Variants in HFM1 observed in about 807,000 individuals in gnomAD.
HFM1 encodes helicase for meiosis 1.
Under a neutral mutation model 192.1 loss-of-function variants are expected in HFM1, and 169 were observed. The observed-to-expected ratio is 0.88, with a 90% CI of 0.78 to 1.00. The LOEUF (loss-of-function observed/expected upper bound fraction) is 1.00, where lower values mean the gene tolerates loss of function less well. HFM1 is among the 50% of genes least tolerant of loss of function. The pLI is 0.00. For missense variants in HFM1, 1,661 were observed against 1,668.0 expected (o/e 1.00, Z 0.07); for synonymous variants, 525 against 537.8 (o/e 0.98, Z 0.33).
intron 8 of HFM1, 105 bp from the exon 9 acceptor site, chr1:91,379,319 T>C (rs1158541857): frequency 1.5e-5 from 12 of 788,826 alleles, no homozygotes; most frequent in Non-Finnish European, 2.5e-5. Context: ...ATCTACATAC[T>C]CCTAATATTG....
At position 91,394,105 on chromosome 1, in the gene HFM1, A is replaced by ATAATAATTACCTTTTCCGGAATT; in HGVS notation, c.481_482insAATTCCGGAAAAGGTAATTATTA (p.Val161GlufsTer6). On this transcript the variant is annotated stop_gained and frameshift_variant, in exon 4 of 39. Transcript: ENST00000370425. LOFTEE classifies it high-confidence loss of function. ...TTATAATAATTACCTTTTCCGGAAT[A>ATAATAATTACCTTTTCCGGAATT]CTGATGTGCTCTCTCCTTTATCTTC... The ATAATAATTACCTTTTCCGGAATT allele has an allele frequency of 6.5e-7, 1 of 1,535,738 alleles. No individual in the cohort carries two copies. Among genetic ancestry groups the ATAATAATTACCTTTTCCGGAATT allele is most frequent in the Non-Finnish European group, 8.9e-7 (1 of 1,127,414 alleles).
intron 11 of HFM1, among the ~76,000 whole-genome samples, chr1:91,376,280 G>C: frequency 6.6e-6 from 1 of 151,882 alleles, no homozygotes; most frequent in East Asian, 1.9e-4. Flanking sequence ...TCTTTACATA[G>C]CCCAGTTAAT....
intron 20 of HFM1, among the ~76,000 whole-genome samples, chr1:91,331,012 G>A (rs1428363327): frequency 1.3e-5 from 2 of 152,140 alleles, no homozygotes; most frequent in African/African-American, 4.8e-5. Context: ...ATGACCCACA[G>A]CTAGTATCAT....
intron 20 of HFM1, among the ~76,000 whole-genome samples, chr1:91,325,859 A>G (rs1652817158): frequency 6.6e-6 from 1 of 152,198 alleles, no homozygotes; most frequent in African/African-American, 2.4e-5. Flanking sequence ...AATTCAAGAT[A>G]ACACAGAGAA....
chr1:91,351,671 T>C (rs777854913), intron 16 of HFM1, 28 bp from the exon 17 acceptor site: 7 of 1,239,330 alleles, frequency 5.6e-6, no homozygotes, highest in Middle Eastern at 1.9e-4. Flanking sequence ...AGAAATTTAG[T>C]GAAGAAGAGC....
intron 11 of HFM1, 125 bp downstream of exon 11, chr1:91,377,900 C>G (rs1661087393): frequency 3.4e-6 from 3 of 874,980 alleles, no homozygotes; most frequent in Non-Finnish European, 5.5e-6. Flanking sequence ...CTAGCCACAA[C>G]TTTCTACAAC....
intron 30 of HFM1, among the ~76,000 whole-genome samples, chr1:91,282,779 G>A (rs983314024): frequency 5.9e-5 from 9 of 152,136 alleles, no homozygotes; most frequent in African/African-American, 2.2e-4. Context: ...AGACTTGGAA[G>A]AAAAGCTTTG....
chr1:91,390,614 A>G (rs995368210), intron 4 of HFM1, among the ~76,000 whole-genome samples: 1 of 152,178 alleles, frequency 6.6e-6, no homozygotes, highest in African/African-American at 2.4e-5. Flanking sequence ...TCAAAATAAT[A>G]AGAGCTATTT....
intron 34 of HFM1, among the ~76,000 whole-genome samples, chr1:91,270,350 G>C (rs969702793): frequency 2.6e-5 from 4 of 152,062 alleles, no homozygotes; most frequent in African/African-American, 9.7e-5. Flanking sequence ...AAAAGAAAAG[G>C]TGTAGAGTGA....
At chr1:91,359,810 G>C (rs1658263040) in intron 13 of HFM1, among the ~76,000 whole-genome samples, 1 of 152,066 alleles carries the variant, frequency 6.6e-6, no homozygotes. Flanking sequence ...AACCTGAAAA[G>C]ACATAATCAT....
intron 30 of HFM1, among the ~76,000 whole-genome samples, chr1:91,280,489 T>A (rs1667363714): frequency 1.3e-5 from 2 of 152,222 alleles, no homozygotes; most frequent in Admixed American, 1.3e-4. Flanking sequence ...AAGACTCAAC[T>A]GTTGGCAGAA....
Position 91,290,964 on chromosome 1 carries a change from C to G in HFM1, c.3392-13902G>C, listed in dbSNP as rs138740300. Among the ~76,000 whole-genome samples the G allele has an allele frequency of 7.1e-3, 1,078 of 152,130 alleles. 15 individuals are homozygous for G. Among genetic ancestry groups the G allele is most frequent in the African/African-American group, 0.024 (1,005 of 41,490 alleles). ...TCCTAAATGACTACTGGGTACATAA[C>G]GAAATGAAGGCAGAAATAAAGATGT... On this transcript the variant is annotated intron_variant, in intron 30 of 38. Transcript: ENST00000370425.
rs747963146 is a variant in HFM1 at position 91,398,680 on chromosome 1, T to A, written c.72-2275A>T. ...TATAACAAATAGATAATGCATTGTC[T>A]CTCCTCATCTTTTTTTTTTTTTCCC... On this transcript the variant is annotated intron_variant, in intron 2 of 38. Transcript: ENST00000370425. 1.7e-3 allele frequency among the ~76,000 whole-genome samples: 258 copies of A among 151,020 alleles called. 2 individuals are homozygous for A. Among genetic ancestry groups the A allele is most frequent in the Middle Eastern group, 0.014 (4 of 292 alleles).
intron 13 of HFM1, among the ~76,000 whole-genome samples, chr1:91,361,299 C>T (rs1658472650): frequency 6.6e-6 from 1 of 150,836 alleles, no homozygotes; most frequent in Admixed American, 6.6e-5. Context: ...AATATATAGA[C>T]TGCTAGCTAG....
upstream of HFM1, among the ~76,000 whole-genome samples, chr1:91,406,798 A>C (rs1557550306): frequency 6.6e-6 from 1 of 152,216 alleles, no homozygotes. Flanking sequence ...AAAATGACTC[A>C]GACCCTCTGG....
At chr1:91,367,249 G>C (rs551999857) in intron 13 of HFM1, among the ~76,000 whole-genome samples, 1 of 152,282 alleles carries the variant, frequency 6.6e-6, no homozygotes, top group East Asian at 1.9e-4. Flanking sequence ...TGACACATTG[G>C]AAGACAGTAG....
chr1:91,277,068 T>C lies in HFM1; in HGVS notation c.3392-6A>G, dbSNP rs776513492. On this transcript the variant is annotated splice_polypyrimidine_tract_variant and splice_region_variant and intron_variant, in intron 30 of 38. Coordinates refer to ENST00000370425, the MANE Select transcript of HFM1 (RefSeq NM_001017975.6). Reference sequence around the variant, plus strand: ...TTTTTTGCTGGCAGTCGTTCCTAAATTAATATAAGAAAAACAAATCCATTT... The same window carrying C: ...TTTTTTGCTGGCAGTCGTTCCTAAACTAATATAAGAAAAACAAATCCATTT... 6.5e-7 allele frequency: 1 copy of C among 1,539,146 alleles called. No homozygotes were observed. Among genetic ancestry groups the C allele is most frequent in the Non-Finnish European group, 8.9e-7 (1 of 1,124,852 alleles).
chr1:91,376,582 A>C (rs1660935856), intron 11 of HFM1, among the ~76,000 whole-genome samples: 1 of 152,054 alleles, frequency 6.6e-6, no homozygotes, highest in South Asian at 2.1e-4. Flanking sequence ...GTTAAGAAAA[A>C]TTTAGTATTC....
intron 30 of HFM1, among the ~76,000 whole-genome samples, chr1:91,293,683 G>A (rs372517927): frequency 1.6e-4 from 24 of 151,882 alleles, no homozygotes; most frequent in Admixed American, 8.5e-4. Context: ...ATTTGACCCA[G>A]CCATCCCCTT....
Sources: gnomAD v4.1 joint callset for allele counts (sites outside exome capture counted in the v4.1 genomes callset) on GRCh38, gnomAD v4.1.1 for gene constraint, MANE v1.5 for transcripts, NCBI Gene and HGNC (gene_info 2026-07-23, HGNC 2026-07-21) for gene names.